Variants in CEP112 observed in about 807,000 individuals in gnomAD.
CEP112 encodes centrosomal protein of 112 kDa.
A neutral mutation model predicts 153.0 loss-of-function variants in CEP112; 127 were observed. The observed-to-expected ratio is 0.83, with a 90% confidence interval of 0.72 to 0.96. The LOEUF is 0.96. Among genes scored for constraint, CEP112 ranks in the 40% least tolerant of loss-of-function variants. The pLI is 0.00. For synonymous variants in CEP112, 358 were observed against 374.4 expected, an observed-to-expected ratio of 0.96 and a Z score of 0.51; for missense variants, 1,089 against 1,101.2, an observed-to-expected ratio of 0.99 and a Z score of 0.16.
At chr17:65,689,259 C>A in intron 23 of CEP112, 41 bp from the exon 24 acceptor site, 1 of 1,432,950 alleles carries the variant, frequency 7.0e-7, no homozygotes, top group East Asian at 2.3e-5. Context: ...ATAATTAGCA[C>A]ACTTGGAAAA....
chr17:66,012,155 G>T (rs1299857600), intron 16 of CEP112, among the ~76,000 whole-genome samples: 1 of 152,218 alleles, frequency 6.6e-6, no homozygotes, highest in East Asian at 1.9e-4. Flanking sequence ...CATACCATTG[G>T]GTCTTGCCTC....
At chr17:65,814,949 T>C (rs903531878) in intron 21 of CEP112, among the ~76,000 whole-genome samples, 2 of 152,166 alleles carry the variant, frequency 1.3e-5, no homozygotes, top group African/African-American at 4.8e-5. Context: ...CAGGTATATA[T>C]TTTGCAAATA....
chr17:66,188,400 C>G (rs1406585702), intron 1 of CEP112, among the ~76,000 whole-genome samples: 1 of 143,014 alleles, frequency 7.0e-6, no homozygotes, highest in African/African-American at 2.6e-5. Flanking sequence ...TGGTCAAACC[C>G]CCCCCCACCC....
chr17:66,046,551 C>T (rs1307962414), intron 12 of CEP112, among the ~76,000 whole-genome samples: 1 of 152,084 alleles, frequency 6.6e-6, no homozygotes, highest in Non-Finnish European at 1.5e-5. Flanking sequence ...TAAGTGATAA[C>T]ATAATTAAAA....
intron 18 of CEP112, among the ~76,000 whole-genome samples, chr17:65,931,763 C>G (rs893461166): frequency 6.6e-6 from 1 of 152,230 alleles, no homozygotes; most frequent in African/African-American, 2.4e-5. Context: ...AAGCCCAGAT[C>G]CCTGCATATC....
At chr17:65,659,951 T>C (rs34723098) in intron 24 of CEP112, among the ~76,000 whole-genome samples, 50,432 of 151,792 alleles carry the variant, frequency 0.33, 8,539 homozygotes, top group Middle Eastern at 0.5. Flanking sequence ...AACTGCTAGC[T>C]GAGGAAAGGG....
Position 65,826,301 on chromosome 17 carries a change from T to C in CEP112, c.2394+25503A>G, listed in dbSNP as rs751662706. ...GTCTAAACTCAGAGAAGCCCACATC[T>C]TCGTTGACCCCCATTAAGATCTCAG... On this transcript the variant is annotated intron_variant, in intron 21 of 26. Transcript: ENST00000535342. The C allele has an allele frequency of 8.7e-6, 14 of 1,614,052 alleles. No individual in the cohort carries two copies. The South Asian group carries it at 1.1e-4, about 13-fold the overall frequency.
intron 21 of CEP112, chr17:65,797,362 A>G (rs1255928260): frequency 6.6e-6 from 1 of 152,240 alleles, no homozygotes; most frequent in Non-Finnish European, 1.5e-5. Flanking sequence ...TCTAGTACCC[A>G]GTACCAGCAT....
chr17:65,762,397 T>C (rs2052667690), intron 21 of CEP112, among the ~76,000 whole-genome samples: 1 of 152,026 alleles, frequency 6.6e-6, no homozygotes, highest in African/African-American at 2.4e-5. Flanking sequence ...AATCTCTGCC[T>C]TTTAATTGGT....
chr17:65,652,830 G>C (rs1435092399), intron 24 of CEP112, among the ~76,000 whole-genome samples: 1 of 152,178 alleles, frequency 6.6e-6, no homozygotes, highest in African/African-American at 2.4e-5. Context: ...AGTTTGGGCT[G>C]CTATAACAAA....
intron 7 of CEP112, 61 bp downstream of exon 7, chr17:66,096,524 A>C (rs2068351236): frequency 1.6e-6 from 2 of 1,214,136 alleles, no homozygotes; most frequent in Non-Finnish European, 2.4e-6. Flanking sequence ...TAAATAACTT[A>C]GTGATTATTT....
rs902839367 is a variant in CEP112 at position 66,000,452 on chromosome 17, C to T, written c.1736+5238G>A. 8.7e-5 allele frequency among the ~76,000 whole-genome samples: 13 copies of T among 149,824 alleles called. No individual in the cohort carries two copies. In the East Asian group the frequency reaches 2.0e-3, roughly 23 times the overall value. On this transcript the variant is annotated intron_variant, in intron 17 of 26. Transcript: ENST00000535342. Reference sequence around the variant, plus strand: ...GGCGGGGTGAGGCAGCTGCTTTCTCCTTCACTTCTTTGGATTACTAGAGCA... The same window carrying T: ...GGCGGGGTGAGGCAGCTGCTTTCTCTTTCACTTCTTTGGATTACTAGAGCA...
At chr17:65,775,510 AT>A (rs34490991) in intron 21 of CEP112, among the ~76,000 whole-genome samples, 77,799 of 151,374 alleles carry the variant, frequency 0.51, 21,596 homozygotes, top group Non-Finnish European at 0.63. Flanking sequence ...TTTAAATTTT[AT>A]TTTTTTTTGA....
chr17:65,756,757 G>A (rs1038735516), intron 21 of CEP112, among the ~76,000 whole-genome samples: 5 of 152,158 alleles, frequency 3.3e-5, no homozygotes, highest in African/African-American at 1.2e-4. Flanking sequence ...TTTTTGGTAA[G>A]TTGAGGAAAT....
chr17:65,976,095 A>G (rs1030621855), intron 17 of CEP112, among the ~76,000 whole-genome samples: 3 of 152,242 alleles, frequency 2.0e-5, no homozygotes, highest in African/African-American at 7.2e-5. Flanking sequence ...GGACTCGGAC[A>G]AGCAAGTGTG....
chr17:66,182,000 A>G (rs955704807), intron 2 of CEP112: 13 of 152,224 alleles, frequency 8.5e-5, no homozygotes, highest in Admixed American at 6.5e-4. Context: ...CCCTAGAACA[A>G]TAAGTGAACA....
At chr17:66,041,255 A>G (rs1165310298) in intron 12 of CEP112, among the ~76,000 whole-genome samples, 1 of 151,238 alleles carries the variant, frequency 6.6e-6, no homozygotes, top group Non-Finnish European at 1.5e-5. Flanking sequence ...CAAAATAAGT[A>G]TTGTAGGAAA....
rs189145825 is a variant in CEP112, at chr17:65,956,651, T to C, written c.1872+4812A>G. On this transcript the variant is annotated intron_variant, in intron 18 of 26. Transcript: ENST00000535342. The stretch of plus-strand genomic sequence containing the variant: ...AGACTTTGGGTGGGGGAGGTGAGGG[T>C]TAAAAGACTATACATTGAATACAGT... 6.1e-4 allele frequency among the ~76,000 whole-genome samples: 93 copies of C among 151,804 alleles called. No individual in the cohort carries two copies. The East Asian group carries it at 0.017, about 29-fold the overall frequency.
chr17:66,024,240 T>G lies in CEP112; in HGVS notation c.1656+3261A>C, dbSNP rs149370539. Among the ~76,000 whole-genome samples the G allele has an allele frequency of 3.6e-4, 54 of 152,112 alleles. No homozygotes were observed. The East Asian group carries it at 9.1e-3, about 26-fold the overall frequency. ...ATAAACAGGGAAAAGTTGAAAGTAA[T>G]CCCAATAAGAACTGGAATAAGACAA... is the stretch of plus-strand genomic sequence containing the variant. On this transcript the variant is annotated intron_variant, in intron 16 of 26. Coordinates refer to ENST00000535342, the MANE Select transcript of CEP112 (RefSeq NM_001199165.4).
Sources: gnomAD v4.1 joint callset for allele counts (sites outside exome capture counted in the v4.1 genomes callset) on GRCh38, gnomAD v4.1.1 for gene constraint, MANE v1.5 for transcripts, NCBI Gene and HGNC (gene_info 2026-07-23, HGNC 2026-07-21) for gene names.